Variants in EXOC4 observed in about 807,000 individuals in gnomAD.
EXOC4 encodes the protein SEC8-like 1.
In EXOC4, 71 loss-of-function variants were observed where a neutral mutation model predicts 107.2. The observed-to-expected ratio is 0.66, with a 90% confidence interval of 0.55 to 0.81. The LOEUF is 0.81. Among genes scored for constraint, EXOC4 ranks in the 30% least tolerant of loss-of-function variants. The probability of loss-of-function intolerance (pLI) is 0.00; values close to 1 mark genes in which losing one functional copy is unlikely to be tolerated. For synonymous variants in EXOC4, 456 were observed against 441.2 expected, an observed-to-expected ratio of 1.03 and a Z score of -0.42; for missense variants, 1,108 against 1,189.6, an observed-to-expected ratio of 0.93 and a Z score of 1.01.
At chr7:133,675,652 G>T (rs1372115409) in intron 10 of EXOC4, among the ~76,000 whole-genome samples, 2 of 152,086 alleles carry the variant, frequency 1.3e-5, no homozygotes, top group Non-Finnish European at 2.9e-5. Flanking sequence ...TAGATTATTT[G>T]ATTTAGAGCA....
chr7:133,455,621 A>G (rs538902917), intron 7 of EXOC4, among the ~76,000 whole-genome samples: 1 of 152,314 alleles, frequency 6.6e-6, no homozygotes, highest in Non-Finnish European at 1.5e-5. Context: ...TCTAGAGTTG[A>G]TAAATCTGAA....
chr7:133,834,138 C>T (rs1185711212), intron 11 of EXOC4, among the ~76,000 whole-genome samples: 4 of 152,114 alleles, frequency 2.6e-5, no homozygotes, highest in Admixed American at 2.6e-4. Context: ...TGAGGTTTCT[C>T]TTCAAATAAT....
Position 133,362,074 on chromosome 7 carries a change from C to T in EXOC4, c.1007+5501C>T, listed in dbSNP as rs184345405. 7.1e-4 allele frequency among the ~76,000 whole-genome samples: 108 copies of T among 152,106 alleles called. No homozygotes were observed. In the Middle Eastern group the frequency reaches 0.014, roughly 19 times the overall value. Reference sequence around the variant, plus strand: ...TTTGTAATTTTCTGCCAGTTTCTTTCTCTTTTGACTTCATGATGTTTCTGG... The same window carrying T: ...TTTGTAATTTTCTGCCAGTTTCTTTTTCTTTTGACTTCATGATGTTTCTGG... On this transcript the variant is annotated intron_variant, in intron 6 of 17. Transcript: ENST00000253861.
At position 133,383,145 on chromosome 7, in the gene EXOC4, G is replaced by A. The variant is rs556689974; in HGVS notation, c.1182+8143G>A. 1.3e-5 allele frequency among the ~76,000 whole-genome samples: 2 copies of A among 152,296 alleles called. 1 individual carries two copies. The highest frequency in any genetic ancestry group is 4.8e-5 in the African/African-American group (2 of 41,568). ...CATATTGTTGGCTGTGTGTTTTCAA[G>A]TGTATAAAAGACTGAGGTACACTAG... On this transcript the variant is annotated intron_variant, in intron 7 of 17. Transcript: ENST00000253861.
intron 2 of EXOC4, among the ~76,000 whole-genome samples, chr7:133,284,323 T>C (rs899206245): frequency 1.3e-5 from 2 of 152,184 alleles, no homozygotes; most frequent in African/African-American, 4.8e-5. Flanking sequence ...GATTTATTTT[T>C]AACTGTTTCC....
At chr7:133,689,638 G>A (rs1794378059) in intron 10 of EXOC4, among the ~76,000 whole-genome samples, 1 of 152,190 alleles carries the variant, frequency 6.6e-6, no homozygotes, top group Non-Finnish European at 1.5e-5. Flanking sequence ...CAAGGGTGGG[G>A]AGGAGGAATT....
At chr7:133,994,385 C>T (rs879857552) in intron 14 of EXOC4, among the ~76,000 whole-genome samples, 1 of 152,106 alleles carries the variant, frequency 6.6e-6, no homozygotes, top group Admixed American at 6.6e-5. Context: ...AGCATTAAGA[C>T]AAGTACCTAA....
intron 9 of EXOC4, among the ~76,000 whole-genome samples, chr7:133,534,619 A>G (rs530487761): frequency 8.5e-5 from 13 of 152,210 alleles, no homozygotes; most frequent in Non-Finnish European, 1.3e-4. Context: ...AGTAGTATTG[A>G]ATTACATTAA....
intron 11 of EXOC4, among the ~76,000 whole-genome samples, chr7:133,823,044 G>T (rs1797562730): frequency 6.6e-6 from 1 of 152,182 alleles, no homozygotes; most frequent in African/African-American, 2.4e-5. Flanking sequence ...CTCATGCAGG[G>T]CAATGTGAGA....
chr7:134,006,970 G>A (rs1794656207), intron 16 of EXOC4, among the ~76,000 whole-genome samples: 1 of 152,106 alleles, frequency 6.6e-6, no homozygotes, highest in South Asian at 2.1e-4. Flanking sequence ...AGACCTAAGA[G>A]CAAACTACTT....
chr7:133,917,116 GC>G (rs1799827663), intron 12 of EXOC4, among the ~76,000 whole-genome samples: 1 of 152,136 alleles, frequency 6.6e-6, no homozygotes, highest in Admixed American at 6.5e-5. Flanking sequence ...CATGATTCAA[GC>G]AATACCCTCA....
At chr7:133,896,550 G>A (rs564534392) in intron 12 of EXOC4, among the ~76,000 whole-genome samples, 3 of 152,238 alleles carry the variant, frequency 2.0e-5, no homozygotes, top group Non-Finnish European at 2.9e-5. Context: ...GGTTTTGCAG[G>A]TGAGGTATGT....
At chr7:133,652,140 T>G (rs774669031) in intron 10 of EXOC4, among the ~76,000 whole-genome samples, 6 of 152,216 alleles carry the variant, frequency 3.9e-5, no homozygotes, top group Non-Finnish European at 8.8e-5. Flanking sequence ...ACAGTAAATA[T>G]TTTCCATGTA....
At chr7:133,732,759 G>A (rs112141111) in intron 10 of EXOC4, 6 of 161,208 alleles carry the variant, frequency 3.7e-5, no homozygotes, top group African/African-American at 1.4e-4. Flanking sequence ...CTGTCTTGCA[G>A]TTTTTGGGTC....
chr7:133,420,580 C>T (rs957787089), intron 7 of EXOC4, among the ~76,000 whole-genome samples: 11 of 152,034 alleles, frequency 7.2e-5, no homozygotes, highest in Admixed American at 1.3e-4. Context: ...TTCCCTCCCA[C>T]GCCGAAGGGG....
chr7:133,915,630 C>T (rs1799792575), intron 12 of EXOC4, among the ~76,000 whole-genome samples: 2 of 152,146 alleles, frequency 1.3e-5, no homozygotes, highest in Admixed American at 1.3e-4. Context: ...ACACCTGCAA[C>T]AGTCTCTTAT....
intron 5 of EXOC4, among the ~76,000 whole-genome samples, chr7:133,348,928 T>C (rs1337222826): frequency 6.6e-6 from 1 of 152,180 alleles, no homozygotes; most frequent in Non-Finnish European, 1.5e-5. Flanking sequence ...AAATCCCATA[T>C]CATCAAATGC....
At chr7:134,026,006 C>T (rs1196006170) in intron 17 of EXOC4, among the ~76,000 whole-genome samples, 1 of 152,142 alleles carries the variant, frequency 6.6e-6, no homozygotes. Flanking sequence ...CAACGCAGTG[C>T]CTCATACAGT....
intron 10 of EXOC4, among the ~76,000 whole-genome samples, chr7:133,806,623 C>T (rs1180587456): frequency 6.6e-6 from 1 of 152,104 alleles, no homozygotes; most frequent in African/African-American, 2.4e-5. Flanking sequence ...ATTGTCATCC[C>T]CTTGCCTGCC....
Sources: gnomAD v4.1 joint callset for allele counts (sites outside exome capture counted in the v4.1 genomes callset) on GRCh38, gnomAD v4.1.1 for gene constraint, MANE v1.5 for transcripts, NCBI Gene and HGNC (gene_info 2026-07-23, HGNC 2026-07-21) for gene names.